R3HDM2: variants seen among roughly 807,000 people sequenced by gnomAD.
R3HDM2 encodes R3H domain containing 2.
R3HDM2 carries 38 observed loss-of-function variants against 124.5 expected under a neutral mutation model. The ratio of observed to expected loss-of-function variants is 0.31; its 90% CI spans 0.24 to 0.40. The LOEUF is 0.40. Among genes scored for constraint, R3HDM2 ranks in the 10% least tolerant of loss-of-function variants. R3HDM2 has a pLI of 1.00. For synonymous variants in R3HDM2, 391 were observed against 448.0 expected (o/e 0.87, Z 1.61); for missense variants, 869 against 1,236.9 (o/e 0.70, Z 4.46).
intron 12 of R3HDM2, among the ~76,000 whole-genome samples, chr12:57,284,800 ATCCTATCTCC>A (rs945950290): frequency 6.6e-6 from 1 of 152,166 alleles, no homozygotes; most frequent in Admixed American, 6.5e-5. Flanking sequence ...CATATTCATA[ATCCTATCTCC>A]CTAAGCAAAA....
chr12:57,312,798 C>G (rs183112130), intron 2 of R3HDM2, among the ~76,000 whole-genome samples: 1 of 151,714 alleles, frequency 6.6e-6, no homozygotes, highest in African/African-American at 2.4e-5. Flanking sequence ...GGCTCAATTG[C>G]GCTCAATTGC....
chr12:57,335,757 C>T (rs1488417204), intron 2 of R3HDM2, among the ~76,000 whole-genome samples: 1 of 151,514 alleles, frequency 6.6e-6, no homozygotes, highest in Non-Finnish European at 1.5e-5. Flanking sequence ...CCCATGTCGG[C>T]CTCCCAAAGT....
In R3HDM2 at chr12:57,365,935, C is replaced by CAA. The variant is rs33933302; in HGVS notation, c.-36+29812_-36+29813dup. ...TGGGCGACAGAGCAAGACTCCATCTCAAAAAAAAAAACAAAATATATCAGT... is the reference window on the plus strand; with the variant it reads ...TGGGCGACAGAGCAAGACTCCATCTCAAAAAAAAAAAAACAAAATATATCAGT... On this transcript the variant is annotated intron_variant, in intron 2 of 23. Transcript: ENST00000402412. 7.1e-3 allele frequency among the ~76,000 whole-genome samples: 1,037 copies of CAA among 146,278 alleles called. 5 individuals carry two copies. Among genetic ancestry groups the CAA allele is most frequent in the African/African-American group, 0.015 (590 of 39,496 alleles).
chr12:57,338,302 TCAAAAACAAAAA>T (rs943423487), intron 2 of R3HDM2, among the ~76,000 whole-genome samples: 1 of 151,840 alleles, frequency 6.6e-6, no homozygotes, highest in East Asian at 1.9e-4. Flanking sequence ...AAGCTCCATC[TCAAAAACAAAAA>T]CAAAAACAAA....
At chr12:57,261,757 CAAAAAA>C (rs35440132) in intron 19 of R3HDM2, among the ~76,000 whole-genome samples, 2,473 of 82,012 alleles carry the variant, frequency 0.03, 83 homozygotes, top group African/African-American at 0.1. Context: ...ATAGACGTGG[CAAAAAA>C]AAAAAAAAAA....
At chr12:57,358,112 G>A (rs2061497122) in intron 2 of R3HDM2, among the ~76,000 whole-genome samples, 2 of 150,946 alleles carry the variant, frequency 1.3e-5, no homozygotes, top group South Asian at 4.2e-4. Flanking sequence ...CCAAGTAGCT[G>A]GGACTACAGG....
intron 2 of R3HDM2, among the ~76,000 whole-genome samples, chr12:57,357,630 T>C (rs1436548816): frequency 1.4e-5 from 2 of 146,958 alleles, no homozygotes; most frequent in Non-Finnish European, 3.0e-5. Context: ...AAGAACTAGC[T>C]TGTAGTTTTG....
intron 22 of R3HDM2, 75 bp from the exon 23 acceptor site, chr12:57,256,149 A>G (rs768401027): frequency 3.4e-6 from 5 of 1,454,060 alleles, no homozygotes; most frequent in Non-Finnish European, 2.9e-6. Context: ...TCTGCCTGAG[A>G]GATTGTGGAG....
chr12:57,427,369 A>G (rs1166671031), intron 1 of R3HDM2, among the ~76,000 whole-genome samples: 1 of 132,258 alleles, frequency 7.6e-6, no homozygotes, highest in Non-Finnish European at 1.6e-5. Context: ...TTTTTTTTTG[A>G]GACAAAGTCT....
chr12:57,285,943 A>G (rs1264142209), intron 12 of R3HDM2, among the ~76,000 whole-genome samples: 1 of 152,200 alleles, frequency 6.6e-6, no homozygotes, highest in Non-Finnish European at 1.5e-5. Context: ...GTGATGACCA[A>G]ACACTCAAAA....
chr12:57,298,725 G>A (rs1046651263), intron 6 of R3HDM2, among the ~76,000 whole-genome samples: 5 of 151,006 alleles, frequency 3.3e-5, no homozygotes, highest in Admixed American at 1.3e-4. Flanking sequence ...ACTTTGGGAG[G>A]TTGAGGTGGG....
At chr12:57,260,282 A>AAAAAAAAAAAAAAAAAAAAAAG in intron 19 of R3HDM2, among the ~76,000 whole-genome samples, 1 of 147,700 alleles carries the variant, frequency 6.8e-6, no homozygotes, top group Non-Finnish European at 1.5e-5. Flanking sequence ...AAAAAAAAAA[A>AAAAAAAAAAAAAAAAAAAAAAG]AAAGCCTGCT....
At chr12:57,309,771 G>A (rs1566080969) in intron 3 of R3HDM2, among the ~76,000 whole-genome samples, 1 of 152,206 alleles carries the variant, frequency 6.6e-6, no homozygotes, top group Non-Finnish European at 1.5e-5. Flanking sequence ...ATAGATTAGG[G>A]ATTTTACTCT....
intron 2 of R3HDM2, among the ~76,000 whole-genome samples, chr12:57,327,304 T>C (rs2057432358): frequency 6.6e-6 from 1 of 151,798 alleles, no homozygotes; most frequent in African/African-American, 2.4e-5. Context: ...CCATCTCTAC[T>C]AAAAATATAA....
At chr12:57,345,674 G>GGGA (rs1181774885) in intron 2 of R3HDM2, among the ~76,000 whole-genome samples, 1 of 151,986 alleles carries the variant, frequency 6.6e-6, no homozygotes, top group African/African-American at 2.4e-5. Flanking sequence ...TCAGGTAGCT[G>GGGA]GGACTACAGG....
intron 2 of R3HDM2, among the ~76,000 whole-genome samples, chr12:57,345,997 CAAAAA>C (rs2060047539): frequency 6.6e-6 from 1 of 151,642 alleles, no homozygotes; most frequent in African/African-American, 2.4e-5. Context: ...CAACCTCTAC[CAAAAA>C]TACAAAAATT....
intron 20 of R3HDM2, 41 bp from the exon 21 acceptor site, chr12:57,258,178 T>C (rs2039613429): frequency 2.1e-6 from 3 of 1,454,082 alleles, no homozygotes; most frequent in Admixed American, 2.2e-5. Context: ...ACATCAAACA[T>C]TACCCTCTGG....
chr12:57,360,946 G>A (rs935063710), intron 2 of R3HDM2, among the ~76,000 whole-genome samples: 1 of 151,438 alleles, frequency 6.6e-6, no homozygotes, highest in Non-Finnish European at 1.5e-5. Flanking sequence ...CAGCTACTTG[G>A]GAGGCTGAGG....
Position 57,269,332 on chromosome 12 carries a change from G to A in R3HDM2, c.1705C>T (p.Gln569Ter). 1.2e-6 allele frequency: 2 copies of A among 1,613,918 alleles called. No homozygotes were observed. The highest frequency in any genetic ancestry group is 1.7e-6 in the Non-Finnish European group (2 of 1,180,002). The change falls in exon 16 of 24, where the codon CAG becomes TAG. Residue 569 changes from glutamine to a stop codon, truncating the protein, a stop_gained. Transcript: ENST00000402412. LOFTEE classifies it high-confidence loss of function. ...CAGTGGTTTCTCTTACCAGGCTGCT[G>A]GGATGGCTGAGGCAGCTGCTGACCA... ...QRGQQLPQPS[Q>*]QPGLQPMMPN...
Sources: allele counts gnomAD v4.1 joint callset (sites outside exome capture counted in the v4.1 genomes callset), GRCh38; gene constraint gnomAD v4.1.1; transcripts MANE v1.5; gene names NCBI Gene and HGNC (gene_info 2026-07-23, HGNC 2026-07-21).